Variants in NPR3 observed in about 807,000 individuals in gnomAD.
The protein encoded by NPR3 is natriuretic peptide receptor 3.
A neutral mutation model predicts 54.5 loss-of-function variants in NPR3; 34 were observed. The ratio of observed to expected loss-of-function variants is 0.62; its 90% CI spans 0.47 to 0.83. NPR3 has a LOEUF of 0.83. Among genes scored for constraint, NPR3 ranks in the 40% least tolerant of loss-of-function variants. The probability of loss-of-function intolerance (pLI) is 0.00; values close to 1 mark genes in which losing one functional copy is unlikely to be tolerated. For missense variants in NPR3, 674 were observed against 720.8 expected, an observed-to-expected ratio of 0.94 and a Z score of 0.74; for synonymous variants, 289 against 297.1, an observed-to-expected ratio of 0.97 and a Z score of 0.28.
upstream of NPR3, chr5:32,710,845 T>C: frequency 1.4e-6 from 2 of 1,441,342 alleles, no homozygotes; most frequent in Non-Finnish European, 1.8e-6. Flanking sequence ...AACCATCCCT[T>C]TCCCCCAGTC....
intron 1 of NPR3, among the ~76,000 whole-genome samples, chr5:32,695,684 G>T (rs1448127778): frequency 6.6e-6 from 1 of 152,166 alleles, no homozygotes; most frequent in Non-Finnish European, 1.5e-5. Flanking sequence ...ACCAGCATTT[G>T]TTATTGCCTG....
chr5:32,766,158 C>T (rs200167718), intron 3 of NPR3, among the ~76,000 whole-genome samples: 2 of 152,088 alleles, frequency 1.3e-5, no homozygotes, highest in Non-Finnish European at 2.9e-5. Flanking sequence ...TGGAGAAGGG[C>T]GGGAAGTGGA....
At chr5:32,752,097 G>T (rs577660422) in intron 3 of NPR3, among the ~76,000 whole-genome samples, 21 of 152,192 alleles carry the variant, frequency 1.4e-4, no homozygotes, top group South Asian at 8.3e-4. Flanking sequence ...CCAGCTACTC[G>T]GGAGGCTGAG....
chr5:32,713,521 C>A (rs868114663), intron 1 of NPR3: 1 of 930,020 alleles, frequency 1.1e-6, no homozygotes, highest in Non-Finnish European at 1.3e-6. Context: ...AGGAGCACTG[C>A]GATGAGGGAA....
In NPR3 at chr5:32,782,940, G is replaced by A. The variant is rs1459179981; in HGVS notation, c.1338G>A (p.Pro446=). The A allele has an allele frequency of 1.9e-6, 3 of 1,611,336 alleles. No individual in the cohort carries two copies. The highest frequency in any genetic ancestry group is 2.2e-5 in the East Asian group (1 of 44,834). ...AAGAAGGTCGTTTTGAAATGCGGCC[G>A]AATGTCAAATATCCTTGGGGCCCTT... The part of the protein sequence containing the change: ...FGKEGRFEMR[P]NVKYPWGPLK... Residue 446 remains proline (P), a synonymous_variant, in exon 6 of 8, where the codon CCG becomes CCA. Transcript: ENST00000265074.
chr5:32,768,629 C>T (rs1438265097), intron 3 of NPR3, among the ~76,000 whole-genome samples: 2 of 152,054 alleles, frequency 1.3e-5, no homozygotes, highest in Non-Finnish European at 2.9e-5. Flanking sequence ...GAATGAGGGC[C>T]CTAACTCTAC....
intron 2 of NPR3, among the ~76,000 whole-genome samples, chr5:32,738,417 C>T (rs1172643625): frequency 1.3e-5 from 2 of 152,030 alleles, no homozygotes; most frequent in Non-Finnish European, 2.9e-5. Context: ...CATTGTCATG[C>T]GTCACTGTGA....
At chr5:32,764,788 CAAAAAAAAAAAAA>C (rs568944478) in intron 3 of NPR3, among the ~76,000 whole-genome samples, 4 of 36,498 alleles carry the variant, frequency 1.1e-4, no homozygotes, top group East Asian at 9.9e-4. Context: ...GGGTCCATCT[CAAAAAAAAAAAAA>C]AAAAAAAAAA....
intron 1 of NPR3, among the ~76,000 whole-genome samples, chr5:32,720,437 T>A (rs528322634): frequency 3.3e-5 from 5 of 152,352 alleles, no homozygotes; most frequent in African/African-American, 1.2e-4. Flanking sequence ...CTGAATTGAC[T>A]TCTATAGCTA....
At chr5:32,692,614 A>AT (rs1337348615) in intron 1 of NPR3, among the ~76,000 whole-genome samples, 1 of 152,344 alleles carries the variant, frequency 6.6e-6, no homozygotes, top group South Asian at 2.1e-4. Context: ...ATTCTATTCT[A>AT]TTTTAGTCTC....
At chr5:32,715,927 G>A (rs1308080952) in intron 1 of NPR3, among the ~76,000 whole-genome samples, 1 of 152,154 alleles carries the variant, frequency 6.6e-6, no homozygotes, top group South Asian at 2.1e-4. Flanking sequence ...ATCAATACAA[G>A]AAACATTTAT....
intron 3 of NPR3, among the ~76,000 whole-genome samples, chr5:32,740,054 G>T (rs924116608): frequency 1.3e-5 from 2 of 152,158 alleles, no homozygotes; most frequent in African/African-American, 4.8e-5. Context: ...CTAATTAGAA[G>T]CACCTTCTTA....
chr5:32,728,643 A>G (rs1739255621), intron 2 of NPR3, among the ~76,000 whole-genome samples: 1 of 151,582 alleles, frequency 6.6e-6, no homozygotes, highest in Non-Finnish European at 1.5e-5. Flanking sequence ...CTGTATTTGC[A>G]CCTAACTTCT....
chr5:32,725,590 T>A (rs1221896677), intron 2 of NPR3, among the ~76,000 whole-genome samples: 1 of 152,196 alleles, frequency 6.6e-6, no homozygotes, highest in African/African-American at 2.4e-5. Flanking sequence ...ATGATCAGAA[T>A]AATTTCAGTG....
At chr5:32,728,815 TTG>T (rs369731308) in intron 2 of NPR3, among the ~76,000 whole-genome samples, 6,242 of 75,460 alleles carry the variant, frequency 0.083, 377 homozygotes, top group African/African-American at 0.11. Context: ...TTTGGAATAT[TTG>T]TGTGTGTGTG....
chr5:32,744,317 G>T (rs1417675206), intron 3 of NPR3, among the ~76,000 whole-genome samples: 1 of 152,154 alleles, frequency 6.6e-6, no homozygotes, highest in Admixed American at 6.5e-5. Flanking sequence ...GAGGCTCAGT[G>T]ACCACCACTG....
At chr5:32,783,162 A>C in intron 6 of NPR3, 134 bp downstream of exon 6, 1 of 741,748 alleles carries the variant, frequency 1.3e-6, no homozygotes. Flanking sequence ...GGTAAAACGC[A>C]TGGGAACAGT....
intron 1 of NPR3, among the ~76,000 whole-genome samples, chr5:32,721,626 C>A (rs748548568): frequency 2.0e-5 from 3 of 152,146 alleles, no homozygotes; most frequent in African/African-American, 7.2e-5. Flanking sequence ...GTCCGGGTGA[C>A]AGAGTGAGAG....
intron 1 of NPR3, chr5:32,713,248 C>A (rs1220152262): frequency 6.1e-6 from 6 of 985,320 alleles, no homozygotes; most frequent in African/African-American, 5.2e-5. Context: ...CTAAGCTTTG[C>A]GGGAGTGCCT....
Sources: gnomAD v4.1 joint callset for allele counts (sites outside exome capture counted in the v4.1 genomes callset) on GRCh38, gnomAD v4.1.1 for gene constraint, MANE v1.5 for transcripts, NCBI Gene and HGNC (gene_info 2026-07-23, HGNC 2026-07-21) for gene names.